The following ANGPT1 variants were observed in gnomAD, a reference collection of about 807,000 sequenced individuals.
The protein encoded by ANGPT1 is angiopoietin 1, also known as angiopoietin-1.
In ANGPT1, 17 loss-of-function variants were observed where a neutral mutation model predicts 62.2. That is an observed-to-expected ratio of 0.27 (90% CI 0.19 to 0.41). ANGPT1 has a LOEUF of 0.41. Among genes scored for constraint, ANGPT1 ranks in the 10% least tolerant of loss-of-function variants. ANGPT1 has a pLI of 1.00. For missense variants in ANGPT1, 478 were observed against 594.9 expected (o/e 0.80, Z 2.04); for synonymous variants, 199 against 198.9 (o/e 1.00, Z 0.00).
intron 1 of ANGPT1, among the ~76,000 whole-genome samples, chr8:107,469,024 T>TTA (rs1355510976): frequency 6.6e-6 from 1 of 152,046 alleles, no homozygotes; most frequent in Non-Finnish European, 1.5e-5. Context: ...AGGGTTTTCT[T>TTA]TATATAGACA....
At chr8:107,449,967 T>C (rs1811726567) in intron 1 of ANGPT1, among the ~76,000 whole-genome samples, 1 of 152,092 alleles carries the variant, frequency 6.6e-6, no homozygotes, top group South Asian at 2.1e-4. Context: ...CACCTAAATA[T>C]CTGATGATAA....
Position 107,347,039 on chromosome 8 carries a change from G to A in ANGPT1, c.356C>T (p.Ala119Val). The A allele has an allele frequency of 1.2e-6, 2 of 1,613,788 alleles. No homozygotes were observed. Among genetic ancestry groups the A allele is most frequent in the Non-Finnish European group, 1.7e-6 (2 of 1,179,802 alleles). ...CATGGTAGCCGTGTGGTTCTGAACTGCATTCTGCTGTATCTGGGCCATCTC... is the reference window on the plus strand; with the variant it reads ...CATGGTAGCCGTGTGGTTCTGAACTACATTCTGCTGTATCTGGGCCATCTC... ...KSEMAQIQQN[A>V]VQNHTATMLE... is the part of the protein sequence containing the mutation. Residue 119 changes from alanine to valine, a missense_variant, in exon 2 of 9, where the codon GCA becomes GTA. Coordinates refer to ENST00000517746, the MANE Select transcript of ANGPT1 (RefSeq NM_001146.5).
chr8:107,414,826 A>T (rs773684602), intron 1 of ANGPT1, among the ~76,000 whole-genome samples: 1 of 152,216 alleles, frequency 6.6e-6, no homozygotes, highest in Non-Finnish European at 1.5e-5. Flanking sequence ...AAGGGAGAGG[A>T]ATCTATGAAT....
intron 6 of ANGPT1, among the ~76,000 whole-genome samples, chr8:107,291,248 A>G (rs1814263867): frequency 6.6e-6 from 1 of 152,206 alleles, no homozygotes; most frequent in Non-Finnish European, 1.5e-5. Flanking sequence ...TCAGTGTGCC[A>G]AAGTGCTTTA....
chr8:107,377,865 A>C (rs1816559361), intron 1 of ANGPT1, among the ~76,000 whole-genome samples: 1 of 152,118 alleles, frequency 6.6e-6, no homozygotes, highest in Non-Finnish European at 1.5e-5. Flanking sequence ...AATATTTGTA[A>C]ATCTCCTCTA....
chr8:107,257,352 G>A (rs964998241), intron 8 of ANGPT1, among the ~76,000 whole-genome samples: 1 of 152,008 alleles, frequency 6.6e-6, no homozygotes, highest in Non-Finnish European at 1.5e-5. Context: ...TTTTATCTTT[G>A]AAGCAGAAAA....
chr8:107,285,806 A>G (rs986371734), intron 6 of ANGPT1, among the ~76,000 whole-genome samples: 4 of 152,012 alleles, frequency 2.6e-5, no homozygotes, highest in South Asian at 2.1e-4. Flanking sequence ...TTGAAGTTCA[A>G]TGTAATTCTT....
chr8:107,302,355 T>G (rs1814612798), intron 5 of ANGPT1, among the ~76,000 whole-genome samples: 1 of 151,858 alleles, frequency 6.6e-6, no homozygotes, highest in African/African-American at 2.4e-5. Flanking sequence ...GGGCTTCCAG[T>G]TAAAACTCAC....
At chr8:107,384,238 A>G (rs1000024132) in intron 1 of ANGPT1, among the ~76,000 whole-genome samples, 8 of 152,224 alleles carry the variant, frequency 5.3e-5, no homozygotes, top group African/African-American at 1.9e-4. Context: ...CAAGGTTGGC[A>G]TGGTTTTGTT....
At chr8:107,378,016 C>A (rs555824657) in intron 1 of ANGPT1, among the ~76,000 whole-genome samples, 1 of 152,078 alleles carries the variant, frequency 6.6e-6, no homozygotes, top group African/African-American at 2.4e-5. Flanking sequence ...CAGAGCCAAG[C>A]GAATAGTTGA....
chr8:107,325,380 T>C (rs1408918847), intron 3 of ANGPT1, among the ~76,000 whole-genome samples: 1 of 152,164 alleles, frequency 6.6e-6, no homozygotes, highest in Non-Finnish European at 1.5e-5. Flanking sequence ...TATAAGAAAA[T>C]TGCCTTTTAA....
At chr8:107,461,497 C>G (rs1812070569) in intron 1 of ANGPT1, among the ~76,000 whole-genome samples, 1 of 152,056 alleles carries the variant, frequency 6.6e-6, no homozygotes, top group Non-Finnish European at 1.5e-5. Context: ...GAAATGATAG[C>G]ATCATAGTTT....
intron 6 of ANGPT1, among the ~76,000 whole-genome samples, chr8:107,290,931 C>T (rs958076562): frequency 2.0e-5 from 3 of 152,162 alleles, no homozygotes; most frequent in African/African-American, 4.8e-5. Flanking sequence ...TCTTACTTAA[C>T]ATGCCTAGCT....
intron 1 of ANGPT1, among the ~76,000 whole-genome samples, chr8:107,430,128 CTAAT>C (rs1200267601): frequency 6.6e-6 from 1 of 152,052 alleles, no homozygotes; most frequent in Non-Finnish European, 1.5e-5. Flanking sequence ...GAATTTTTAA[CTAAT>C]TAGTATACAG....
chr8:107,281,774 G>A (rs188772229), intron 7 of ANGPT1, among the ~76,000 whole-genome samples: 289 of 152,204 alleles, frequency 1.9e-3, no homozygotes, highest in African/African-American at 6.7e-3. Flanking sequence ...GTGAGACTCC[G>A]TCTCAAAAAA....
chr8:107,345,816 GC>G (rs1302473237), intron 2 of ANGPT1, among the ~76,000 whole-genome samples: 4 of 152,108 alleles, frequency 2.6e-5, no homozygotes, highest in African/African-American at 9.7e-5. Flanking sequence ...TTGATGGGCA[GC>G]AAAAAGTATT....
rs573252778 is a variant in ANGPT1, at chr8:107,347,024, G to A, written c.371C>T (p.Thr124Met). The change falls in exon 2 of 9, where the codon ACG becomes ATG. Residue 124 changes from threonine (T) to methionine (M), a missense_variant. Physicochemically the swap from Thr to Met is moderately conservative, Grantham distance 81. Around this residue, in one of 4 missense-constraint regions of ANGPT1, gnomAD observed 343 missense variants for 355.4 expected, o/e 0.97. Transcript: ENST00000517746. Reference protein sequence around the residue: ...QIQQNAVQNHTATMLEIGTSL... With the variant: ...QIQQNAVQNHMATMLEIGTSL... ...GGTTCCTATCTCCAGCATGGTAGCC[G>A]TGTGGTTCTGAACTGCATTCTGCTG... The A allele has an allele frequency of 4.3e-6, 7 of 1,613,906 alleles. No individual in the cohort carries two copies. The highest frequency in any genetic ancestry group is 3.3e-5 in the South Asian group (3 of 91,060).
Position 107,436,577 on chromosome 8 carries a change from T to C in ANGPT1, c.297+60685A>G, listed in dbSNP as rs187855877. ...ATTTCAGCAACCTTCTGCGGATCTA[T>C]TTATACTCTCTCCTCCTGGGAATTT... On this transcript the variant is annotated intron_variant, in intron 1 of 8. Transcript: ENST00000517746. Among the ~76,000 whole-genome samples the C allele has an allele frequency of 1.3e-3, 201 of 152,332 alleles. 1 individual carries two copies. Among genetic ancestry groups the C allele is most frequent in the Admixed American group, 4.5e-3 (69 of 15,296 alleles).
At chr8:107,369,550 G>A (rs1816339300) in intron 1 of ANGPT1, among the ~76,000 whole-genome samples, 1 of 152,104 alleles carries the variant, frequency 6.6e-6, no homozygotes, top group South Asian at 2.1e-4. Flanking sequence ...GCCTGTCTTG[G>A]TTTCTGACAT....
Sources: gnomAD v4.1 joint callset for allele counts (sites outside exome capture counted in the v4.1 genomes callset) on GRCh38, gnomAD v4.1.1 for gene constraint, gnomAD v4.1.1 regional missense constraint, MANE v1.5 for transcripts, NCBI Gene and HGNC (gene_info 2026-07-23, HGNC 2026-07-21) for gene names.